The following DBP variants were observed in gnomAD, a reference collection of about 807,000 sequenced individuals.
The protein encoded by DBP is D-box binding PAR bZIP transcription factor, also known as D site-binding protein.
Under a neutral mutation model 21.4 loss-of-function variants are expected in DBP, and 12 were observed. The ratio of observed to expected loss-of-function variants is 0.56; its 90% CI spans 0.36 to 0.91. The LOEUF is 0.91. Among genes scored for constraint, DBP ranks in the 40% least tolerant of loss-of-function variants. The probability of loss-of-function intolerance (pLI) is 0.01; values close to 1 mark genes in which losing one functional copy is unlikely to be tolerated. For missense variants in DBP, 423 were observed against 473.4 expected, an observed-to-expected ratio of 0.89 and a Z score of 0.99; for synonymous variants, 213 against 224.9, an observed-to-expected ratio of 0.95 and a Z score of 0.47.
Position 48,635,686 on chromosome 19 carries a change from G to C in DBP, c.444C>G (p.Pro148=), listed in dbSNP as rs940338572. The change falls in exon 2 of 4, where the codon CCC becomes CCG. Residue 148 remains proline, a synonymous_variant. Transcript: ENST00000222122. ...ACGAACCCGGCCCTGGGGAGGGTGC[G>C]GGCGTCCGCGCGGGCGACGGCTCCG... The part of the protein sequence containing the change: ...PSPEPSPART[P]APSPGPGSCG... The C allele has an allele frequency of 7.6e-6, 10 of 1,321,396 alleles. No homozygotes were observed. The highest frequency in any genetic ancestry group is 1.5e-5 in the African/African-American group (1 of 64,616). The allele number at this position is 1,321,396 out of a possible 1,614,324, so 81.9% of individuals were successfully genotyped here. A position where few individuals can be genotyped will look rare whatever the true frequency, so the allele number is the denominator to read the frequency against.
chr19:48,636,969 G>A lies in DBP; in HGVS notation c.26C>T (p.Thr9Ile). Residue 9 changes from threonine (T) to isoleucine (I), a missense_variant, in exon 1 of 4, where the codon ACC becomes ATC. Thr to Ile is a moderately conservative substitution (Grantham distance 89). Coordinates refer to ENST00000222122, the MANE Select transcript of DBP (RefSeq NM_001352.5). ...GCCGCCCAGCAGCAGAGGGGCCGGG[G>A]TCCTGTCGCTCACAGGCCGCGCCAT... MARPVSDR[T>I]PAPLLLGGPA... 1 of 1,526,756 alleles carries A rather than the reference G, an allele frequency of 6.5e-7. No homozygotes were observed. Among genetic ancestry groups the A allele is most frequent in the Non-Finnish European group, 8.8e-7 (1 of 1,139,354 alleles). The allele number at this position is 1,526,756 out of a possible 1,614,324, so 94.6% of individuals were successfully genotyped here.
rs1392827333 is a variant in DBP at position 48,637,103 on chromosome 19, C to A, written c.-109G>T. ...GGACGAGTGTCTGCCCAGGGGCGGG[C>A]GAGTGTAGCCTGCAACCCTCCAGTA... On this transcript the variant is annotated 5_prime_UTR_variant, in exon 1 of 4. Transcript: ENST00000222122. 2 of 1,037,896 alleles carry A rather than the reference C, an allele frequency of 1.9e-6. No homozygotes were observed. The highest frequency in any genetic ancestry group is 2.7e-6 in the Non-Finnish European group (2 of 750,582). 64.3% of individuals were successfully genotyped at this position (1,037,896 alleles called of 1,614,324 possible). A position where few individuals can be genotyped will look rare whatever the true frequency, so the allele number is the denominator to read the frequency against.
At position 48,633,819 on chromosome 19, in the gene DBP, G is replaced by A. The variant is rs543841430; in HGVS notation, c.551-164C>T. 8.1e-5 allele frequency: 53 copies of A among 651,158 alleles called. No homozygotes were observed. The South Asian group carries it at 1.0e-3, about 12-fold the overall frequency. 40.3% of individuals were successfully genotyped at this position (651,158 alleles called of 1,614,324 possible). A position where few individuals can be genotyped will look rare whatever the true frequency, so the allele number is the denominator to read the frequency against. On this transcript the variant is annotated intron_variant, in intron 2 of 3. Coordinates refer to ENST00000222122, the MANE Select transcript of DBP (RefSeq NM_001352.5). ...TAATATAAAATATGAAGGTTCCCTT[G>A]GCCAGGCGCAGTGGCTCACGCCTGT...
rs1335427784 is a variant in DBP, at chr19:48,630,699, A to G, written c.*138T>C. 7.1e-7 allele frequency: 1 copy of G among 1,416,966 alleles called. No individual in the cohort carries two copies. Among genetic ancestry groups the G allele is most frequent in the Non-Finnish European group, 9.3e-7 (1 of 1,074,202 alleles). The allele number at this position is 1,416,966 out of a possible 1,614,324, so 87.8% of individuals were successfully genotyped here. On this transcript the variant is annotated 3_prime_UTR_variant, in exon 4 of 4. Coordinates refer to ENST00000222122, the MANE Select transcript of DBP (RefSeq NM_001352.5). This position sits in a 1 kb window ranked among gnomAD's most constrained non-coding sequence, Gnocchi z 4.9. ...GGGAGGCTCGCTTTTTCTTAAAAAT[A>G]TAAATGTATTTATCTGCATTATCAC...
At position 48,635,562 on chromosome 19, in the gene DBP, C is replaced by T; in HGVS notation, c.550+18G>A. 1 of 1,403,698 alleles carries T rather than the reference C, an allele frequency of 7.1e-7. No individual in the cohort carries two copies. Among genetic ancestry groups the T allele is most frequent in the Non-Finnish European group, 9.2e-7 (1 of 1,085,858 alleles). The allele number at this position is 1,403,698 out of a possible 1,614,324, so 87.0% of individuals were successfully genotyped here. On this transcript the variant is annotated intron_variant, in intron 2 of 3. Transcript: ENST00000222122. ...AAGCCCCGCCCCGTCAGGACCCGCCCCGCCCCCTTCGCCGCACCTGCGCGG... is the reference window on the plus strand; with the variant it reads ...AAGCCCCGCCCCGTCAGGACCCGCCTCGCCCCCTTCGCCGCACCTGCGCGG...
intron 2 of DBP, chr19:48,635,075 C>T: frequency 1.0e-6 from 1 of 986,988 alleles, no homozygotes. Flanking sequence ...CCCGGGGCTG[C>T]AGCACGCCCC....
intron 2 of DBP, chr19:48,635,198 C>A: frequency 9.0e-7 from 1 of 1,108,988 alleles, no homozygotes; most frequent in South Asian, 1.9e-5. Flanking sequence ...CCAGTCCTAT[C>A]CCAGTTCCAT....
intron 2 of DBP, chr19:48,635,049 C>T (rs1042610546): frequency 1.0e-6 from 1 of 986,624 alleles, no homozygotes; most frequent in Non-Finnish European, 1.2e-6. Context: ...GTTTTCCCTT[C>T]TGAAGAACTC....
rs999498147 is a variant in DBP at position 48,630,676 on chromosome 19, G to A, written c.*161C>T. ...CTCCCCGCCCCCGCAAGGGAGGGGG[G>A]AGGCTCGCTTTTTCTTAAAAATATA... On this transcript the variant is annotated 3_prime_UTR_variant, in exon 4 of 4. Transcript: ENST00000222122. The surrounding 1 kb of genome is among the most constrained non-coding windows in gnomAD (Gnocchi z 4.9). 1.7e-5 allele frequency: 24 copies of A among 1,435,964 alleles called. No homozygotes were observed. The highest frequency in any genetic ancestry group is 2.8e-5 in the South Asian group (2 of 72,176). The allele number at this position is 1,435,964 out of a possible 1,614,324, so 89.0% of individuals were successfully genotyped here.
Position 48,630,192 on chromosome 19 carries a change from C to G in DBP, c.*645G>C. The G allele has an allele frequency of 8.0e-7, 1 of 1,255,728 alleles. No individual in the cohort carries two copies. Among genetic ancestry groups the G allele is most frequent in the Non-Finnish European group, 1.0e-6 (1 of 999,258 alleles). 77.8% of individuals were successfully genotyped at this position (1,255,728 alleles called of 1,614,324 possible). On this transcript the variant is annotated 3_prime_UTR_variant, in exon 4 of 4. Coordinates refer to ENST00000222122, the MANE Select transcript of DBP (RefSeq NM_001352.5). This position sits in a 1 kb window ranked among gnomAD's most constrained non-coding sequence, Gnocchi z 4.9. Reference sequence around the variant, plus strand: ...CCGGTCAGGGCCCGCAGCCTCGCCCCATCCACTCCGGTGCCTCCATTTAGC... The same window carrying G: ...CCGGTCAGGGCCCGCAGCCTCGCCCGATCCACTCCGGTGCCTCCATTTAGC...
At position 48,630,897 on chromosome 19, in the gene DBP, C is replaced by T. The variant is rs746133229; in HGVS notation, c.918G>A (p.Gln306=). 1.2e-6 allele frequency: 2 copies of T among 1,609,332 alleles called. No homozygotes were observed. Among genetic ancestry groups the T allele is most frequent in the Admixed American group, 1.7e-5 (1 of 59,484 alleles). The change falls in exon 4 of 4, where the codon CAG becomes CAA. Residue 306 remains glutamine (Q), a synonymous_variant. Transcript: ENST00000222122. The surrounding 1 kb of genome is among the most constrained non-coding windows in gnomAD (Gnocchi z 4.9). ...GCACGGCGCGGTAGTGGGACAGCTCCTGGCGCACGGCCACAACTTCCTGCC... is the reference window on the plus strand; with the variant it reads ...GCACGGCGCGGTAGTGGGACAGCTCTTGGCGCACGGCCACAACTTCCTGCC... ...LLRQEVVAVR[Q]ELSHYRAVLS...
chr19:48,630,267 T>G lies in DBP; in HGVS notation c.*570A>C, dbSNP rs1228666769. On this transcript the variant is annotated 3_prime_UTR_variant, in exon 4 of 4. Transcript: ENST00000222122. The surrounding 1 kb of genome is among the most constrained non-coding windows in gnomAD (Gnocchi z 4.9). ...GGTTCCCCGGGGCCGGCGCTAGGAT[T>G]TGCACTAATGTTCCTCTCCCCGCGG... The G allele has an allele frequency of 7.8e-7, 1 of 1,289,760 alleles. No homozygotes were observed. The highest frequency in any genetic ancestry group is 9.8e-7 in the Non-Finnish European group (1 of 1,019,496). 79.9% of individuals were successfully genotyped at this position (1,289,760 alleles called of 1,614,324 possible).
chr19:48,631,432 T>C (rs2030581995), intron 3 of DBP: 1 of 182,980 alleles, frequency 5.5e-6, no homozygotes, highest in Non-Finnish European at 1.2e-5. Context: ...GCACATTGCC[T>C]TTCCAGATCC....
rs1445162142 is a variant in DBP, at chr19:48,635,821, C to T, written c.309G>A (p.Leu103=). ...CGAACGGCAGCGTGCGCTCCCACAG[C>T]AGTGGCGCCAACAGACCCGGGGCGG... ...PVPAPGLLAP[L]LWERTLPFGD... Residue 103 remains leucine, a synonymous_variant, in exon 2 of 4, where the codon CTG becomes CTA. Coordinates refer to ENST00000222122, the MANE Select transcript of DBP (RefSeq NM_001352.5). 1.4e-6 allele frequency: 2 copies of T among 1,430,678 alleles called. No individual in the cohort carries two copies. The highest frequency in any genetic ancestry group is 1.8e-6 in the Non-Finnish European group (2 of 1,101,252). 88.6% of individuals were successfully genotyped at this position (1,430,678 alleles called of 1,614,324 possible). A position where few individuals can be genotyped will look rare whatever the true frequency, so the allele number is the denominator to read the frequency against.
chr19:48,633,875 G>C (rs1316555443), intron 2 of DBP: 1 of 568,590 alleles, frequency 1.8e-6, no homozygotes, highest in Non-Finnish European at 3.1e-6. Flanking sequence ...CCGAGGCGGC[G>C]AATCACCTTT....
intron 2 of DBP, chr19:48,634,933 C>T (rs1483226184): frequency 3.0e-6 from 3 of 985,764 alleles, no homozygotes; most frequent in African/African-American, 1.7e-5. Flanking sequence ...CTTCCCAGAA[C>T]CCCCGCCACT....
In DBP at chr19:48,637,115, G is replaced by C. The variant is rs2030841412; in HGVS notation, c.-121C>G. The C allele has an allele frequency of 2.2e-6, 2 of 905,108 alleles. No homozygotes were observed. The highest frequency in any genetic ancestry group is 3.8e-5 in the South Asian group (2 of 53,320). 56.1% of individuals were successfully genotyped at this position (905,108 alleles called of 1,614,324 possible). On this transcript the variant is annotated 5_prime_UTR_variant, in exon 1 of 4. Coordinates refer to ENST00000222122, the MANE Select transcript of DBP (RefSeq NM_001352.5). ...GCCCAGGGGCGGGCGAGTGTAGCCT[G>C]CAACCCTCCAGTATCCAGAACGCTG... is the stretch of plus-strand genomic sequence containing the variant.
At chr19:48,633,161 G>T (rs1022728305) in intron 3 of DBP, 5 of 592,986 alleles carry the variant, frequency 8.4e-6, no homozygotes, top group Admixed American at 5.9e-5. Context: ...TGCCCAGGCT[G>T]GTCTTGAACT....
chr19:48,637,050 G>C lies in DBP; in HGVS notation c.-56C>G. 1 of 1,422,496 alleles carries C rather than the reference G, an allele frequency of 7.0e-7. No individual in the cohort carries two copies. Among genetic ancestry groups the C allele is most frequent in the African/African-American group, 1.4e-5 (1 of 69,204 alleles). The allele number at this position is 1,422,496 out of a possible 1,614,324, so 88.1% of individuals were successfully genotyped here. On this transcript the variant is annotated 5_prime_UTR_variant, in exon 1 of 4. Coordinates refer to ENST00000222122, the MANE Select transcript of DBP (RefSeq NM_001352.5). ...TCATGGAGAGGCGAAGGGCTGGCCT[G>C]CCAGTCACCAGCACACTCCAGTGGT...
Sources: gnomAD v4.1 joint callset for allele counts on GRCh38, gnomAD v4.1.1 for gene constraint, Gnocchi (gnomAD v3.1) non-coding constraint, MANE v1.5 for transcripts, NCBI Gene and HGNC (gene_info 2026-07-23, HGNC 2026-07-21) for gene names.